The following NLGN1 variants were observed in gnomAD, a reference collection of about 807,000 sequenced individuals.
The protein encoded by NLGN1 is neuroligin 1.
In NLGN1, 12 loss-of-function variants were observed where a neutral mutation model predicts 65.5. The observed-to-expected ratio is 0.18, with a 90% confidence interval of 0.12 to 0.30. NLGN1 has a LOEUF of 0.30. Among genes scored for constraint, NLGN1 ranks in the 10% least tolerant of loss-of-function variants. NLGN1 has a pLI of 1.00. For synonymous variants in NLGN1, 350 were observed against 359.5 expected (o/e 0.97, Z 0.30); for missense variants, 750 against 1,007.1 (o/e 0.74, Z 3.46).
At chr3:174,224,777 A>C (rs543008486) in intron 4 of NLGN1, among the ~76,000 whole-genome samples, 4 of 152,268 alleles carry the variant, frequency 2.6e-5, no homozygotes, top group Non-Finnish European at 5.9e-5. Flanking sequence ...AAGCTAACCG[A>C]ACTTTTTTTG....
At chr3:173,967,702 G>A (rs575867608) in intron 4 of NLGN1, among the ~76,000 whole-genome samples, 20 of 152,030 alleles carry the variant, frequency 1.3e-4, no homozygotes, top group South Asian at 4.2e-4. Flanking sequence ...ATTTCATCCC[G>A]TTTCCTTCTG....
chr3:174,002,068 A>G (rs538986314), intron 4 of NLGN1, among the ~76,000 whole-genome samples: 1 of 151,964 alleles, frequency 6.6e-6, no homozygotes. Flanking sequence ...AAAAAAAAAA[A>G]AAACAAGATT....
At chr3:173,836,926 T>G (rs1264293510) in intron 4 of NLGN1, among the ~76,000 whole-genome samples, 1 of 152,166 alleles carries the variant, frequency 6.6e-6, no homozygotes, top group Non-Finnish European at 1.5e-5. Context: ...GAATATGTAA[T>G]TGCTTCCTAA....
At chr3:173,915,716 G>A (rs1740591508) in intron 4 of NLGN1, among the ~76,000 whole-genome samples, 1 of 152,100 alleles carries the variant, frequency 6.6e-6, no homozygotes, top group Non-Finnish European at 1.5e-5. Flanking sequence ...AGTTTTAGAG[G>A]CTCACATTCT....
At chr3:173,430,644 G>A (rs1435265676) in intron 1 of NLGN1, among the ~76,000 whole-genome samples, 1 of 152,170 alleles carries the variant, frequency 6.6e-6, no homozygotes, top group Non-Finnish European at 1.5e-5. Context: ...AATATAGGAG[G>A]TGTGACCTAG....
At chr3:173,444,622 A>G (rs556001677) in intron 2 of NLGN1, among the ~76,000 whole-genome samples, 21 of 152,324 alleles carry the variant, frequency 1.4e-4, no homozygotes, top group African/African-American at 4.6e-4. Context: ...GACATTTCTC[A>G]AAAAAGCTAA....
chr3:173,995,897 G>T (rs1398758820), intron 4 of NLGN1, among the ~76,000 whole-genome samples: 1 of 151,942 alleles, frequency 6.6e-6, no homozygotes, highest in Non-Finnish European at 1.5e-5. Context: ...TGTTGCCCAG[G>T]CTACTCTCAA....
At chr3:173,577,058 A>G (rs1453776658) in intron 2 of NLGN1, among the ~76,000 whole-genome samples, 1 of 152,194 alleles carries the variant, frequency 6.6e-6, no homozygotes, top group African/African-American at 2.4e-5. Context: ...TCTGTTTAGC[A>G]AAAGGAGTCT....
intron 3 of NLGN1, among the ~76,000 whole-genome samples, chr3:173,806,936 T>C (rs1048965972): frequency 2.6e-5 from 4 of 152,136 alleles, no homozygotes; most frequent in Admixed American, 2.6e-4. Flanking sequence ...AAGAAGAGTA[T>C]ATTAGCCACA....
At chr3:174,126,897 T>C (rs760565726) in intron 4 of NLGN1, among the ~76,000 whole-genome samples, 1 of 152,150 alleles carries the variant, frequency 6.6e-6, no homozygotes, top group Non-Finnish European at 1.5e-5. Context: ...TTAGAAGCTT[T>C]TTTTCTGAAC....
intron 2 of NLGN1, among the ~76,000 whole-genome samples, chr3:173,549,060 C>A (rs1560421459): frequency 1.3e-5 from 2 of 151,564 alleles, no homozygotes; most frequent in Non-Finnish European, 3.0e-5. Context: ...GCTTTCATTT[C>A]AAAAAAAATT....
intron 2 of NLGN1, among the ~76,000 whole-genome samples, chr3:173,460,274 A>G (rs913972360): frequency 6.6e-6 from 1 of 152,132 alleles, no homozygotes; most frequent in Non-Finnish European, 1.5e-5. Context: ...ATAATATTAA[A>G]TTAAAGGAGG....
intron 2 of NLGN1, among the ~76,000 whole-genome samples, chr3:173,536,928 G>A (rs994581316): frequency 6.6e-6 from 1 of 152,176 alleles, no homozygotes; most frequent in African/African-American, 2.4e-5. Flanking sequence ...GAGAGCCAAT[G>A]GTGTAATTTC....
intron 4 of NLGN1, among the ~76,000 whole-genome samples, chr3:174,245,558 G>A (rs1743639189): frequency 6.6e-6 from 1 of 152,116 alleles, no homozygotes; most frequent in African/African-American, 2.4e-5. Flanking sequence ...TAAAAACCAT[G>A]AAGAAAATAA....
At chr3:174,266,121 T>C (rs924408124) in intron 4 of NLGN1, among the ~76,000 whole-genome samples, 6 of 151,532 alleles carry the variant, frequency 4.0e-5, no homozygotes, top group Admixed American at 3.3e-4. Flanking sequence ...GTAAATTGCA[T>C]GTCAAGGGGG....
intron 2 of NLGN1, among the ~76,000 whole-genome samples, chr3:173,537,020 T>A (rs1737544812): frequency 6.6e-6 from 1 of 152,198 alleles, no homozygotes; most frequent in Admixed American, 6.5e-5. Flanking sequence ...TCTCCCTTAC[T>A]CAACATTTGT....
intron 4 of NLGN1, among the ~76,000 whole-genome samples, chr3:174,055,825 C>T (rs1406569501): frequency 1.3e-5 from 2 of 152,110 alleles, no homozygotes; most frequent in South Asian, 4.1e-4. Context: ...CATTCTCATA[C>T]CTGACTTATT....
At chr3:173,503,537 A>G (rs1293672332) in intron 2 of NLGN1, among the ~76,000 whole-genome samples, 1 of 152,084 alleles carries the variant, frequency 6.6e-6, no homozygotes, top group Non-Finnish European at 1.5e-5. Flanking sequence ...TTTATATAAA[A>G]TCATTTGTAG....
chr3:173,500,286 C>CT, intron 2 of NLGN1, among the ~76,000 whole-genome samples: 1 of 152,214 alleles, frequency 6.6e-6, no homozygotes, highest in Middle Eastern at 3.4e-3. Context: ...TGTCAAAGGC[C>CT]TTTTCTGCAT....
Sources: allele counts gnomAD v4.1 joint callset (sites outside exome capture counted in the v4.1 genomes callset), GRCh38; gene constraint gnomAD v4.1.1; transcripts MANE v1.5; gene names NCBI Gene and HGNC (gene_info 2026-07-23, HGNC 2026-07-21).